Variants in GALNTL6 observed in about 807,000 individuals in gnomAD.
The protein encoded by GALNTL6 is polypeptide N-acetylgalactosaminyltransferase like 6, also known as polypeptide N-acetylgalactosaminyltransferase-like 6.
Under a neutral mutation model 73.7 loss-of-function variants are expected in GALNTL6, and 46 were observed. The observed-to-expected ratio is 0.62, with a 90% CI of 0.49 to 0.80. The LOEUF (loss-of-function observed/expected upper bound fraction) is 0.80, where lower values mean the gene tolerates loss of function less well. Among genes scored for constraint, GALNTL6 ranks in the 30% least tolerant of loss-of-function variants. GALNTL6 has a pLI of 0.00. For missense variants in GALNTL6, 604 were observed against 755.0 expected, an observed-to-expected ratio of 0.80 and a Z score of 2.34; for synonymous variants, 259 against 263.7, an observed-to-expected ratio of 0.98 and a Z score of 0.17.
At chr4:172,351,183 C>CTATCTGTCTGTCTATCTATT (rs1741928151) in intron 5 of GALNTL6, among the ~76,000 whole-genome samples, 1 of 131,440 alleles carries the variant, frequency 7.6e-6, no homozygotes, top group Non-Finnish European at 1.6e-5. Context: ...AATAATCTGT[C>CTATCTGTCTGTCTATCTATT]TATCTATCTA....
At chr4:173,009,436 G>C (rs1378260091) in intron 11 of GALNTL6, 142 bp downstream of exon 11, 2 of 617,918 alleles carry the variant, frequency 3.2e-6, no homozygotes, top group Non-Finnish European at 5.8e-6. Flanking sequence ...TCACCAACCA[G>C]CTCTGCAGTT....
At position 171,824,751 on chromosome 4, in the gene GALNTL6, C is replaced by T. The variant is rs563420246; in HGVS notation, c.138+10033C>T. Among the ~76,000 whole-genome samples, 7 of 152,026 alleles carry T rather than the reference C, an allele frequency of 4.6e-5. No individual in the cohort carries two copies. The South Asian group carries it at 1.5e-3, about 32-fold the overall frequency. Reference sequence around the variant, plus strand: ...GCATTTTTATTTTTATTTTTTGTTTCTAGATCCATCAATGCCTCTTGATAT... The same window carrying T: ...GCATTTTTATTTTTATTTTTTGTTTTTAGATCCATCAATGCCTCTTGATAT... On this transcript the variant is annotated intron_variant, in intron 2 of 12. Transcript: ENST00000506823.
At chr4:172,647,961 A>G (rs1351749613) in intron 5 of GALNTL6, among the ~76,000 whole-genome samples, 1 of 152,152 alleles carries the variant, frequency 6.6e-6, no homozygotes, top group Non-Finnish European at 1.5e-5. Context: ...ATCTGAAACA[A>G]ACTAACAAGG....
intron 10 of GALNTL6, among the ~76,000 whole-genome samples, chr4:172,990,006 G>A (rs530593284): frequency 6.6e-6 from 1 of 152,230 alleles, no homozygotes; most frequent in Admixed American, 6.5e-5. Flanking sequence ...TTGAGCCTGG[G>A]CCCGTCAAAA....
At chr4:172,227,384 A>C (rs894920907) in intron 2 of GALNTL6, among the ~76,000 whole-genome samples, 1 of 152,144 alleles carries the variant, frequency 6.6e-6, no homozygotes, top group Non-Finnish European at 1.5e-5. Flanking sequence ...TGACAACCTT[A>C]TATTTAACTG....
At chr4:171,867,490 C>G (rs1736000898) in intron 2 of GALNTL6, among the ~76,000 whole-genome samples, 1 of 152,190 alleles carries the variant, frequency 6.6e-6, no homozygotes, top group Non-Finnish European at 1.5e-5. Context: ...GTCACATTTT[C>G]CATTCTGCTT....
chr4:171,936,792 A>T (rs183421928), intron 2 of GALNTL6, among the ~76,000 whole-genome samples: 11 of 152,320 alleles, frequency 7.2e-5, no homozygotes, highest in African/African-American at 2.6e-4. Flanking sequence ...TCTGTTCTTC[A>T]CATTTGCACC....
intron 5 of GALNTL6, among the ~76,000 whole-genome samples, chr4:172,520,334 G>T (rs1174403139): frequency 6.6e-6 from 1 of 151,752 alleles, no homozygotes; most frequent in Non-Finnish European, 1.5e-5. Flanking sequence ...AGGATAAGTT[G>T]TTTTATTTTA....
rs1732570676 is a variant in GALNTL6, at chr4:172,460,447, G to A, written c.553+111758G>A. ...AGTGAATAGACAACCTACAGAATGGGAGAAAATTTTTGCAACCTATCCATC... is the reference window on the plus strand; with the variant it reads ...AGTGAATAGACAACCTACAGAATGGAAGAAAATTTTTGCAACCTATCCATC... On this transcript the variant is annotated intron_variant, in intron 5 of 12. Coordinates refer to ENST00000506823, the MANE Select transcript of GALNTL6 (RefSeq NM_001034845.3). Among the ~76,000 whole-genome samples the A allele has an allele frequency of 2.0e-5, 3 of 152,162 alleles. No homozygotes were observed. In the South Asian group the frequency reaches 6.2e-4, roughly 31 times the overall value.
chr4:172,559,957 T>TA (rs1479128350), intron 5 of GALNTL6, among the ~76,000 whole-genome samples: 1 of 152,194 alleles, frequency 6.6e-6, no homozygotes, highest in Non-Finnish European at 1.5e-5. Context: ...TCAAACATGA[T>TA]AAAATATAAG....
chr4:172,398,242 G>A (rs1489238275), intron 5 of GALNTL6, among the ~76,000 whole-genome samples: 1 of 152,176 alleles, frequency 6.6e-6, no homozygotes, highest in Non-Finnish European at 1.5e-5. Flanking sequence ...AGGAGTTAAT[G>A]TTTATTAAAA....
At chr4:171,838,155 C>T (rs1007611334) in intron 2 of GALNTL6, among the ~76,000 whole-genome samples, 5 of 147,454 alleles carry the variant, frequency 3.4e-5, no homozygotes, top group African/African-American at 1.3e-4. Context: ...CAGAGTTTCG[C>T]TCTTTTTGCC....
At chr4:172,453,235 C>T (rs1732277488) in intron 5 of GALNTL6, among the ~76,000 whole-genome samples, 1 of 151,884 alleles carries the variant, frequency 6.6e-6, no homozygotes, top group Non-Finnish European at 1.5e-5. Flanking sequence ...AATGTGAAGC[C>T]ATTAGCACTA....
intron 5 of GALNTL6, among the ~76,000 whole-genome samples, chr4:172,801,949 C>A (rs1373418368): frequency 1.3e-5 from 2 of 152,078 alleles, no homozygotes; most frequent in African/African-American, 4.8e-5. Flanking sequence ...ATTTAATAAA[C>A]AGCAAATATA....
chr4:172,745,512 T>A (rs966809346), intron 5 of GALNTL6, among the ~76,000 whole-genome samples: 3 of 151,306 alleles, frequency 2.0e-5, no homozygotes, highest in African/African-American at 7.3e-5. Context: ...CAGAATCATC[T>A]GACCAGCAGT....
intron 5 of GALNTL6, among the ~76,000 whole-genome samples, chr4:172,689,045 G>A (rs1733104177): frequency 6.6e-6 from 1 of 152,076 alleles, no homozygotes; most frequent in African/African-American, 2.4e-5. Flanking sequence ...TTGTTTTCCA[G>A]AGAGCCAATT....
At chr4:172,465,848 C>T (rs905881628) in intron 5 of GALNTL6, among the ~76,000 whole-genome samples, 1 of 152,158 alleles carries the variant, frequency 6.6e-6, no homozygotes, top group Admixed American at 6.5e-5. Context: ...CCAGCAGTTG[C>T]ATTTAGAAAT....
intron 2 of GALNTL6, among the ~76,000 whole-genome samples, chr4:171,841,436 A>G (rs1004401535): frequency 1.3e-5 from 2 of 152,172 alleles, no homozygotes; most frequent in Non-Finnish European, 2.9e-5. Context: ...ATTGTTTTAC[A>G]AAAACAAATA....
intron 5 of GALNTL6, among the ~76,000 whole-genome samples, chr4:172,687,381 GCA>G (rs1424753204): frequency 6.6e-6 from 1 of 151,994 alleles, no homozygotes; most frequent in Non-Finnish European, 1.5e-5. Flanking sequence ...TGTAATCCCA[GCA>G]CTTTGGAAGG....
Sources: gnomAD v4.1 joint callset for allele counts (sites outside exome capture counted in the v4.1 genomes callset) on GRCh38, gnomAD v4.1.1 for gene constraint, MANE v1.5 for transcripts, NCBI Gene and HGNC (gene_info 2026-07-23, HGNC 2026-07-21) for gene names.